The following NEK10 variants were observed in gnomAD, a reference collection of about 807,000 sequenced individuals.
NEK10 encodes serine/threonine-protein kinase Nek10.
A neutral mutation model predicts 159.8 loss-of-function variants in NEK10; 122 were observed. That is an observed-to-expected ratio of 0.76 (90% CI 0.66 to 0.89). The LOEUF (loss-of-function observed/expected upper bound fraction) is 0.89. Ranked by LOEUF, NEK10 falls within the 40% of genes least tolerant of loss-of-function variation. NEK10 has a pLI of 0.00. For missense variants in NEK10, 1,342 were observed against 1,323.1 expected, an observed-to-expected ratio of 1.01 and a Z score of -0.22; for synonymous variants, 466 against 457.1, an observed-to-expected ratio of 1.02 and a Z score of -0.25.
chr3:27,256,972 G>C (rs1956267713), intron 22 of NEK10, among the ~76,000 whole-genome samples: 1 of 143,094 alleles, frequency 7.0e-6, no homozygotes, highest in Non-Finnish European at 1.5e-5. Context: ...TTGGAGTGCA[G>C]TGGTGCGATC....
rs55958314 is a variant in NEK10 at position 27,346,150 on chromosome 3, C to T, written c.199G>A (p.Gly67Ser). Reference sequence around the variant, plus strand: ...CACTGACCCCGAGCTCTGTGTCCACCCGCCCTGATGGCGGGCTCAGACTTC... The same window carrying T: ...CACTGACCCCGAGCTCTGTGTCCACTCGCCCTGATGGCGGGCTCAGACTTC... ...MTKSEPAIRA[G>S]GHRARGQWHE... Residue 67 changes from glycine (G) to serine (S), a missense_variant, in exon 4 of 36, where the codon GGT becomes AGT. Gly to Ser is a moderately conservative substitution (Grantham distance 56). Coordinates refer to ENST00000691995, the MANE Select transcript of NEK10 (RefSeq NM_001394966.1). 6.1e-3 allele frequency: 9,820 copies of T among 1,613,720 alleles called. 43 individuals are homozygous for T. Among genetic ancestry groups the T allele is most frequent in the Non-Finnish European group, 7.6e-3 (8,971 of 1,179,696 alleles).
chr3:27,299,050 G>T lies in NEK10; in HGVS notation c.1169-1810C>A, dbSNP rs552747663. On this transcript the variant is annotated intron_variant, in intron 13 of 35. Transcript: ENST00000691995. Reference sequence around the variant, plus strand: ...AAATTCAAGCCTGCTGCAGAAATTTGCATAAGTAATGAGGAGCCAAATGTT... The same window carrying T: ...AAATTCAAGCCTGCTGCAGAAATTTTCATAAGTAATGAGGAGCCAAATGTT... Among the ~76,000 whole-genome samples, 7 of 152,332 alleles carry T rather than the reference G, an allele frequency of 4.6e-5. No individual in the cohort carries two copies. In the South Asian group the frequency reaches 1.5e-3, roughly 32 times the overall value.
chr3:27,200,816 C>T (rs1215234233), intron 25 of NEK10, among the ~76,000 whole-genome samples: 2 of 152,020 alleles, frequency 1.3e-5, no homozygotes, highest in Admixed American at 1.3e-4. Context: ...CTGTGTCACA[C>T]ATATATCTGA....
chr3:27,308,629 CA>C (rs754943235), intron 10 of NEK10, among the ~76,000 whole-genome samples: 1 of 152,064 alleles, frequency 6.6e-6, no homozygotes. Context: ...CAGAAAGATT[CA>C]ACTGCCAAAG....
chr3:27,347,288 G>A (rs1301724473), intron 3 of NEK10, among the ~76,000 whole-genome samples: 1 of 152,026 alleles, frequency 6.6e-6, no homozygotes, highest in African/African-American at 2.4e-5. Flanking sequence ...GCCCAGGTGG[G>A]TGGATCACCT....
At chr3:27,180,856 G>A (rs1208381593) in intron 26 of NEK10, among the ~76,000 whole-genome samples, 3 of 151,990 alleles carry the variant, frequency 2.0e-5, no homozygotes, top group African/African-American at 7.3e-5. Flanking sequence ...TTCCTACTCA[G>A]CGGCCACCTA....
intron 23 of NEK10, chr3:27,206,672 G>A (rs4973755): frequency 0.25 from 239,575 of 974,684 alleles, 30,300 homozygotes; most frequent in Middle Eastern, 0.39. Context: ...CCTCAAGTGC[G>A]CACAGAGATG....
chr3:27,287,979 G>T (rs1016840380), intron 19 of NEK10, among the ~76,000 whole-genome samples: 11 of 152,076 alleles, frequency 7.2e-5, no homozygotes, highest in Admixed American at 7.2e-4. Flanking sequence ...AATTAAAAAC[G>T]TTCTATCACC....
rs1208464025 is a variant in NEK10 at position 27,108,839 on chromosome 3, C to T, written c.*2433G>A. 1.3e-5 allele frequency among the ~76,000 whole-genome samples: 2 copies of T among 152,120 alleles called. No homozygotes were observed. The highest frequency in any genetic ancestry group is 2.9e-5 in the Non-Finnish European group (2 of 68,032). On this transcript the variant is annotated 3_prime_UTR_variant, in exon 36 of 36. Coordinates refer to ENST00000691995, the MANE Select transcript of NEK10 (RefSeq NM_001394966.1). ...TTAACTTCTCTGTTGGGATGTGACT[C>T]TATGTACAAAATGGTGCTTTTGCCA...
At chr3:27,306,089 C>T (rs2044223079) in intron 11 of NEK10, among the ~76,000 whole-genome samples, 1 of 152,184 alleles carries the variant, frequency 6.6e-6, no homozygotes, top group African/African-American at 2.4e-5. Flanking sequence ...GATCTTGACT[C>T]ATGGCACCAC....
At chr3:27,292,760 C>A (rs945182432) in intron 16 of NEK10, among the ~76,000 whole-genome samples, 2 of 133,292 alleles carry the variant, frequency 1.5e-5, no homozygotes, top group African/African-American at 3.6e-5. Flanking sequence ...ACAGGATGAG[C>A]CTTTGTCAAA....
chr3:27,216,663 C>T (rs1257743206), intron 23 of NEK10, among the ~76,000 whole-genome samples: 1 of 152,164 alleles, frequency 6.6e-6, no homozygotes, highest in Non-Finnish European at 1.5e-5. Context: ...AAACCAAGAA[C>T]CCAGCCAATA....
At chr3:27,183,210 TG>T (rs1482852700) in intron 26 of NEK10, among the ~76,000 whole-genome samples, 1 of 151,852 alleles carries the variant, frequency 6.6e-6, no homozygotes, top group Non-Finnish European at 1.5e-5. Context: ...ACAATTATTA[TG>T]TACTCAAAAT....
intron 23 of NEK10, chr3:27,252,265 T>C (rs749891966): frequency 8.2e-6 from 4 of 490,750 alleles, no homozygotes; most frequent in South Asian, 6.0e-5. Context: ...AGGTTGCTAT[T>C]TGGGGCAAGT....
intron 31 of NEK10, among the ~76,000 whole-genome samples, chr3:27,134,055 T>G (rs1915912): frequency 0.25 from 37,797 of 151,212 alleles, 4,976 homozygotes; most frequent in Middle Eastern, 0.4. Flanking sequence ...AAATGTGGAA[T>G]AGAGAAAGAA....
intron 31 of NEK10, among the ~76,000 whole-genome samples, chr3:27,137,654 G>A (rs777913516): frequency 5.3e-5 from 8 of 152,122 alleles, no homozygotes; most frequent in Admixed American, 2.0e-4. Context: ...CCTCTTTTAC[G>A]TAATTAGTTA....
At chr3:27,364,587 A>G (rs911908973) in intron 1 of NEK10, among the ~76,000 whole-genome samples, 4 of 152,246 alleles carry the variant, frequency 2.6e-5, no homozygotes, top group Non-Finnish European at 5.9e-5. Context: ...AATGAAAAAT[A>G]CTAGAGATAA....
intron 6 of NEK10, among the ~76,000 whole-genome samples, chr3:27,319,221 G>A (rs540629183): frequency 6.6e-6 from 1 of 152,292 alleles, no homozygotes. Context: ...AATGAATCCA[G>A]GTGAACATTT....
intron 23 of NEK10, among the ~76,000 whole-genome samples, chr3:27,246,747 T>A (rs1450783097): frequency 6.6e-6 from 1 of 152,190 alleles, no homozygotes; most frequent in Non-Finnish European, 1.5e-5. Context: ...TCTTTCTCCA[T>A]GAGTTCAATT....
Sources: gnomAD v4.1 joint callset for allele counts (sites outside exome capture counted in the v4.1 genomes callset) on GRCh38, gnomAD v4.1.1 for gene constraint, MANE v1.5 for transcripts, NCBI Gene and HGNC (gene_info 2026-07-23, HGNC 2026-07-21) for gene names.